The following STXBP4 variants were observed in gnomAD, a reference collection of about 807,000 sequenced individuals.
STXBP4 encodes the protein syntaxin-binding protein 4.
In STXBP4, 55 loss-of-function variants were observed where a neutral mutation model predicts 76.1. That is an observed-to-expected ratio of 0.72 (90% CI 0.58 to 0.91). The LOEUF (loss-of-function observed/expected upper bound fraction) is 0.91. Among genes scored for constraint, STXBP4 ranks in the 40% least tolerant of loss-of-function variants. The pLI, the probability that STXBP4 is intolerant of heterozygous loss-of-function variation, is 0.00. For synonymous variants in STXBP4, 201 were observed against 220.2 expected (o/e 0.91, Z 0.77); for missense variants, 618 against 636.9 (o/e 0.97, Z 0.32).
At chr17:55,086,370 C>G (rs2079329434) in intron 16 of STXBP4, among the ~76,000 whole-genome samples, 1 of 152,098 alleles carries the variant, frequency 6.6e-6, no homozygotes. Flanking sequence ...TCTATCATCT[C>G]AAACATTGAT....
At chr17:55,210,963 G>T in the STXBP4 span, among the ~76,000 whole-genome samples, 6 of 152,258 alleles carry the variant, frequency 3.9e-5, no homozygotes, top group Non-Finnish European at 7.4e-5. Flanking sequence ...ACCATTTTAA[G>T]TACGTCTGAG....
chr17:55,137,703 G>A (rs1238097297), intron 16 of STXBP4, among the ~76,000 whole-genome samples: 1 of 152,084 alleles, frequency 6.6e-6, no homozygotes, highest in Non-Finnish European at 1.5e-5. Context: ...AGTATTAAGT[G>A]TATTGGTACA....
rs2080399164 is a variant in STXBP4 at position 55,170,332 on chromosome 17, C to A, written c.*10421C>A. ...AATGTTTACTAATGTTTAATGATAC[C>A]AAGAAAGTATCACAATAATAACATC... On this transcript the variant is annotated 3_prime_UTR_variant, in exon 18 of 18. Coordinates refer to ENST00000376352, the MANE Select transcript of STXBP4 (RefSeq NM_178509.6). The A allele has an allele frequency of 6.6e-6, 1 of 151,058 alleles. No individual in the cohort carries two copies. 9.4% of individuals were successfully genotyped at this position (151,058 alleles called of 1,614,324 possible).
chr17:55,171,051 A>C lies in STXBP4; in HGVS notation c.*11140A>C, dbSNP rs2080403512. 6.6e-6 allele frequency: 1 copy of C among 152,218 alleles called. No homozygotes were observed. Among genetic ancestry groups the C allele is most frequent in the Non-Finnish European group, 1.5e-5 (1 of 68,038 alleles). The allele number at this position is 152,218 out of a possible 1,614,324, so 9.4% of individuals were successfully genotyped here. The stretch of plus-strand genomic sequence containing the variant: ...CGTCTTTATCTTGCCATTGTCAAAG[A>C]TCCTGGACCTATTTTTTTCTGCCTT... On this transcript the variant is annotated 3_prime_UTR_variant, in exon 18 of 18. Coordinates refer to ENST00000376352, the MANE Select transcript of STXBP4 (RefSeq NM_178509.6).
intron 16 of STXBP4, among the ~76,000 whole-genome samples, chr17:55,129,937 C>T (rs951224149): frequency 1.3e-5 from 2 of 152,028 alleles, no homozygotes; most frequent in Admixed American, 6.6e-5. Flanking sequence ...CCTACATGAG[C>T]CTTTAAATCT....
At chr17:55,008,810 T>C (rs2078053673) in intron 8 of STXBP4, among the ~76,000 whole-genome samples, 1 of 151,960 alleles carries the variant, frequency 6.6e-6, no homozygotes, top group Non-Finnish European at 1.5e-5. Context: ...ATCAGCTGGG[T>C]TTTATGGCCC....
intron 16 of STXBP4, among the ~76,000 whole-genome samples, chr17:55,084,145 G>A (rs1465677866): frequency 6.6e-6 from 1 of 152,008 alleles, no homozygotes; most frequent in Non-Finnish European, 1.5e-5. Flanking sequence ...AGCACCTGTT[G>A]TTTCCTGACT....
chr17:55,007,442 C>G, intron 7 of STXBP4, 64 bp from the exon 8 acceptor site: 1 of 1,118,826 alleles, frequency 8.9e-7, no homozygotes, highest in Non-Finnish European at 1.4e-6. Context: ...AGAACATATC[C>G]TGTCAAATAA....
At chr17:55,131,863 A>T (rs1199202564) in intron 16 of STXBP4, among the ~76,000 whole-genome samples, 2 of 152,098 alleles carry the variant, frequency 1.3e-5, no homozygotes, top group Non-Finnish European at 2.9e-5. Context: ...TCCAGGCTCA[A>T]GCGATCCTCC....
chr17:55,066,997 T>C (rs2079059928), intron 12 of STXBP4, among the ~76,000 whole-genome samples: 1 of 152,234 alleles, frequency 6.6e-6, no homozygotes, highest in South Asian at 2.1e-4. Flanking sequence ...CCCATAAATC[T>C]GAACCCTTTT....
chr17:55,001,785 A>G (rs1039263096), intron 7 of STXBP4, among the ~76,000 whole-genome samples: 2 of 152,162 alleles, frequency 1.3e-5, no homozygotes, highest in Non-Finnish European at 2.9e-5. Flanking sequence ...GGCGCCTGCC[A>G]CCATGCCCGG....
the STXBP4 span, among the ~76,000 whole-genome samples, chr17:55,211,988 T>A: frequency 6.6e-6 from 1 of 150,566 alleles, no homozygotes; most frequent in South Asian, 2.1e-4. Flanking sequence ...TTTTTGTATT[T>A]TTTTTTTTTT....
intron 8 of STXBP4, among the ~76,000 whole-genome samples, chr17:55,015,022 G>A (rs1389352157): frequency 1.3e-5 from 2 of 152,068 alleles, no homozygotes; most frequent in African/African-American, 2.4e-5. Flanking sequence ...TGCTCTGGGC[G>A]TAAGGCAGAC....
Position 55,110,318 on chromosome 17 carries a change from T to C in STXBP4, c.1489+29135T>C, listed in dbSNP as rs144544460. Among the ~76,000 whole-genome samples the C allele has an allele frequency of 3.8e-4, 58 of 152,356 alleles. 1 individual carries two copies. In the East Asian group the frequency reaches 5.4e-3, roughly 14 times the overall value. ...CAACCTTAATTTTCCTTTGCCATGTTACATAAAATAGTCATAGTTTCCATG... is the reference window on the plus strand; with the variant it reads ...CAACCTTAATTTTCCTTTGCCATGTCACATAAAATAGTCATAGTTTCCATG... On this transcript the variant is annotated intron_variant, in intron 16 of 17. Coordinates refer to ENST00000376352, the MANE Select transcript of STXBP4 (RefSeq NM_178509.6).
At position 55,073,070 on chromosome 17, in the gene STXBP4, A is replaced by G. The variant is rs764903572; in HGVS notation, c.1182A>G (p.Gln394=). Residue 394 remains glutamine (Q), a synonymous_variant, in exon 13 of 18, where the codon CAA becomes CAG. Transcript: ENST00000376352. The part of the protein sequence containing the change: ...LKAQLADYSD[Q]NKESVQDLKK... ...CTCAGCTTGCTGATTATTCTGACCAAAATAAAGTAAGCAAAGCAGTCATCT... is the reference window on the plus strand; with the variant it reads ...CTCAGCTTGCTGATTATTCTGACCAGAATAAAGTAAGCAAAGCAGTCATCT... The G allele has an allele frequency of 1.9e-6, 3 of 1,613,244 alleles. No individual in the cohort carries two copies. The highest frequency in any genetic ancestry group is 3.3e-4 in the Middle Eastern group (2 of 6,056).
At chr17:55,109,170 C>T (rs1193496088) in intron 16 of STXBP4, among the ~76,000 whole-genome samples, 1 of 152,030 alleles carries the variant, frequency 6.6e-6, no homozygotes, top group Non-Finnish European at 1.5e-5. Flanking sequence ...TGCTTAATTA[C>T]CATGTGTATT....
At chr17:54,972,500 A>G (rs181374864) in intron 1 of STXBP4, among the ~76,000 whole-genome samples, 2 of 152,294 alleles carry the variant, frequency 1.3e-5, no homozygotes, top group East Asian at 1.9e-4. Context: ...TAATCAATTT[A>G]TTACTATTAT....
At chr17:55,000,666 G>C in intron 6 of STXBP4, 142 bp from the exon 7 acceptor site, 1 of 662,668 alleles carries the variant, frequency 1.5e-6, no homozygotes, top group Non-Finnish European at 2.7e-6. Context: ...TTTGTTTGAA[G>C]ATGCATATAC....
chr17:55,032,577 A>G (rs1015619504), intron 9 of STXBP4, among the ~76,000 whole-genome samples: 1 of 152,186 alleles, frequency 6.6e-6, no homozygotes, highest in Non-Finnish European at 1.5e-5. Context: ...GGAAATCTTT[A>G]TAAGGAGAAT....
Sources: gnomAD v4.1 joint callset for allele counts (sites outside exome capture counted in the v4.1 genomes callset) on GRCh38, gnomAD v4.1.1 for gene constraint, MANE v1.5 for transcripts, NCBI Gene and HGNC (gene_info 2026-07-23, HGNC 2026-07-21) for gene names.